The following SLIT3 variants were observed in gnomAD, a reference collection of about 807,000 sequenced individuals.
The protein encoded by SLIT3 is slit guidance ligand 3.
SLIT3 carries 68 observed loss-of-function variants against 184.0 expected under a neutral mutation model. That is an observed-to-expected ratio of 0.37 (90% CI 0.30 to 0.45). The LOEUF is 0.45. Ranked by LOEUF, SLIT3 falls within the 20% of genes least tolerant of loss-of-function variation. The probability of loss-of-function intolerance (pLI) is 1.00; values close to 1 mark genes in which losing one functional copy is unlikely to be tolerated. For missense variants in SLIT3, 1,707 were observed against 2,026.0 expected, an observed-to-expected ratio of 0.84 and a Z score of 3.02; for synonymous variants, 831 against 828.6, an observed-to-expected ratio of 1.00 and a Z score of -0.05.
chr5:168,905,732 TA>T (rs1761028870), intron 4 of SLIT3, among the ~76,000 whole-genome samples: 1 of 152,222 alleles, frequency 6.6e-6, no homozygotes, highest in Admixed American at 6.5e-5. Flanking sequence ...GAAACTCGTA[TA>T]CCCCTTGCTG....
intron 5 of SLIT3, among the ~76,000 whole-genome samples, chr5:168,882,954 C>T (rs1246534621): frequency 6.6e-6 from 1 of 152,154 alleles, no homozygotes; most frequent in East Asian, 1.9e-4. Context: ...GTTACCATCC[C>T]CATTTTACAG....
Position 169,049,138 on chromosome 5 carries a change from T to C in SLIT3, c.413+144341A>G, listed in dbSNP as rs149306938. On this transcript the variant is annotated intron_variant, in intron 4 of 35. Coordinates refer to ENST00000519560, the MANE Select transcript of SLIT3 (RefSeq NM_003062.4). ...TAGTCAAGACCTATGTCACATGAGC[T>C]TTTTGGGGGCAAATACAAACGTGTA... Among the ~76,000 whole-genome samples the C allele has an allele frequency of 4.2e-4, 64 of 152,318 alleles. 1 individual carries two copies. Among genetic ancestry groups the C allele is most frequent in the African/African-American group, 1.5e-3 (63 of 41,564 alleles).
rs1277557492 is a variant in SLIT3 at position 168,664,069 on chromosome 5, C to T, written c.*2385G>A. On this transcript the variant is annotated 3_prime_UTR_variant, in exon 36 of 36. Transcript: ENST00000519560. ...TACTCTTGGGCAAGTTCTTTAACTT[C>T]TCTGTGTCTCAGTCTACTCAACTGT... 6.6e-6 allele frequency: 1 copy of T among 152,188 alleles called. No homozygotes were observed. Among genetic ancestry groups the T allele is most frequent in the Non-Finnish European group, 1.5e-5 (1 of 68,048 alleles). The allele number at this position is 152,188 out of a possible 1,614,324, so 9.4% of individuals were successfully genotyped here.
chr5:168,817,922 C>T (rs1353499416), intron 7 of SLIT3, among the ~76,000 whole-genome samples: 1 of 152,066 alleles, frequency 6.6e-6, no homozygotes, highest in East Asian at 1.9e-4. Context: ...GACGCTGTTG[C>T]CTTTCCCTGA....
intron 4 of SLIT3, among the ~76,000 whole-genome samples, chr5:169,113,419 A>G (rs897078259): frequency 2.6e-5 from 4 of 152,288 alleles, no homozygotes; most frequent in African/African-American, 9.6e-5. Flanking sequence ...CTATGACTGA[A>G]TAATATCTCA....
chr5:169,064,337 T>C (rs1310284521), intron 4 of SLIT3, among the ~76,000 whole-genome samples: 2 of 152,202 alleles, frequency 1.3e-5, no homozygotes, highest in African/African-American at 4.8e-5. Context: ...TGGAAACTTG[T>C]CTTCTCTGAT....
intron 3 of SLIT3, among the ~76,000 whole-genome samples, chr5:169,238,881 C>G (rs1722682197): frequency 6.6e-6 from 1 of 152,106 alleles, no homozygotes; most frequent in South Asian, 2.1e-4. Flanking sequence ...GAACTCTCTT[C>G]TATATTTTGC....
intron 11 of SLIT3, 72 bp downstream of exon 11, chr5:168,789,488 T>C: frequency 8.5e-7 from 1 of 1,170,094 alleles, no homozygotes; most frequent in South Asian, 1.3e-5. Flanking sequence ...TCCTGAGAAA[T>C]ATGGTTGCGT....
At position 168,696,274 on chromosome 5, in the gene SLIT3, C is replaced by T. The variant is rs570976447; in HGVS notation, c.3082+18G>A. On this transcript the variant is annotated intron_variant, in intron 28 of 35. Coordinates refer to ENST00000519560, the MANE Select transcript of SLIT3 (RefSeq NM_003062.4). ...ACACCCCTCCACCCCACCATACATA[C>T]AGTCATGAGATCCTTACCTGTGTAG... is the stretch of plus-strand genomic sequence containing the variant. 2 of 1,614,108 alleles carry T rather than the reference C, an allele frequency of 1.2e-6. No individual in the cohort carries two copies. The highest frequency in any genetic ancestry group is 4.5e-5 in the East Asian group (2 of 44,884).
intron 4 of SLIT3, among the ~76,000 whole-genome samples, chr5:168,886,107 C>G (rs1241135994): frequency 6.6e-6 from 1 of 152,230 alleles, no homozygotes; most frequent in African/African-American, 2.4e-5. Flanking sequence ...TTGAGCAAAA[C>G]AGTAGATTGT....
intron 4 of SLIT3, among the ~76,000 whole-genome samples, chr5:169,003,063 C>T (rs1168904321): frequency 2.0e-5 from 3 of 152,186 alleles, no homozygotes; most frequent in Non-Finnish European, 4.4e-5. Flanking sequence ...TTACTGGGGT[C>T]ATAGATTCCT....
chr5:169,128,272 A>T (rs1581437102), intron 4 of SLIT3, among the ~76,000 whole-genome samples: 2 of 146,898 alleles, frequency 1.4e-5, no homozygotes, highest in South Asian at 2.1e-4. Flanking sequence ...ACATATATAT[A>T]TTTATATATA....
At position 168,924,920 on chromosome 5, in the gene SLIT3, A is replaced by C. The variant is rs143399120; in HGVS notation, c.414-41584T>G. 1.6e-4 allele frequency among the ~76,000 whole-genome samples: 25 copies of C among 152,322 alleles called. No individual in the cohort carries two copies. In the East Asian group the frequency reaches 4.6e-3, roughly 28 times the overall value. On this transcript the variant is annotated intron_variant, in intron 4 of 35. Transcript: ENST00000519560. ...AGCAGAGCGGAGAAAGAAAGAACGC[A>C]TCCCTGAGATCCCATCATAAGGTAA... is the stretch of plus-strand genomic sequence containing the variant.
At chr5:169,006,705 G>A (rs1561602838) in intron 4 of SLIT3, among the ~76,000 whole-genome samples, 1 of 151,226 alleles carries the variant, frequency 6.6e-6, no homozygotes. Context: ...TTCAAAGAAA[G>A]AAAAGTTAAT....
intron 3 of SLIT3, among the ~76,000 whole-genome samples, chr5:169,201,877 T>C (rs1260151711): frequency 1.3e-5 from 2 of 152,212 alleles, no homozygotes; most frequent in Non-Finnish European, 2.9e-5. Context: ...ACAGGAACAC[T>C]TGGATATTTT....
intron 5 of SLIT3, among the ~76,000 whole-genome samples, chr5:168,848,578 T>G (rs1758563166): frequency 1.3e-5 from 2 of 152,148 alleles, no homozygotes; most frequent in African/African-American, 4.8e-5. Flanking sequence ...GATATTAAAT[T>G]AACTGCTCTA....
At chr5:168,937,604 G>C (rs1276822465) in intron 4 of SLIT3, among the ~76,000 whole-genome samples, 1 of 152,126 alleles carries the variant, frequency 6.6e-6, no homozygotes, top group Non-Finnish European at 1.5e-5. Flanking sequence ...GGAACGGGAG[G>C]CCTGGCATTC....
chr5:168,779,813 T>C (rs930678300), intron 12 of SLIT3, among the ~76,000 whole-genome samples: 3 of 152,208 alleles, frequency 2.0e-5, no homozygotes, highest in Non-Finnish European at 4.4e-5. Flanking sequence ...AGTAGCAGCT[T>C]CCAGCTTCTT....
intron 6 of SLIT3, among the ~76,000 whole-genome samples, chr5:168,831,424 T>C (rs1757878222): frequency 6.6e-6 from 1 of 152,186 alleles, no homozygotes; most frequent in Admixed American, 6.5e-5. Flanking sequence ...GATCTCCCTG[T>C]GGACCGTTTA....
Sources: allele counts gnomAD v4.1 joint callset (sites outside exome capture counted in the v4.1 genomes callset), GRCh38; gene constraint gnomAD v4.1.1; transcripts MANE v1.5; gene names NCBI Gene and HGNC (gene_info 2026-07-23, HGNC 2026-07-21).